The following HHIP variants were observed in gnomAD, a reference collection of about 807,000 sequenced individuals.
HHIP encodes the protein hedgehog interacting protein, also known as hedgehog-interacting protein.
HHIP carries 12 observed loss-of-function variants against 74.0 expected under a neutral mutation model. The observed-to-expected ratio is 0.16, with a 90% CI of 0.10 to 0.26. The LOEUF (loss-of-function observed/expected upper bound fraction) is 0.26, where lower values mean the gene tolerates loss of function less well. HHIP is among the 10% of genes least tolerant of loss of function. The pLI is 1.00. For missense variants in HHIP, 788 were observed against 845.0 expected, an observed-to-expected ratio of 0.93 and a Z score of 0.84; for synonymous variants, 309 against 311.6, an observed-to-expected ratio of 0.99 and a Z score of 0.09.
At chr4:144,669,455 T>G (rs1728970696) in intron 4 of HHIP, among the ~76,000 whole-genome samples, 1 of 152,192 alleles carries the variant, frequency 6.6e-6, no homozygotes, top group South Asian at 2.1e-4. Context: ...TCCATTTTAC[T>G]CAATCTGTAC....
chr4:144,661,998 T>C (rs547550071), intron 4 of HHIP, among the ~76,000 whole-genome samples: 1 of 152,262 alleles, frequency 6.6e-6, no homozygotes, highest in Middle Eastern at 3.4e-3. Context: ...ACGTTTGAAA[T>C]TGAGAATAAT....
At chr4:144,727,033 G>A (rs1287561683) in intron 11 of HHIP, among the ~76,000 whole-genome samples, 1 of 152,186 alleles carries the variant, frequency 6.6e-6, no homozygotes, top group Non-Finnish European at 1.5e-5. Flanking sequence ...CACAGATCTT[G>A]AGGGGTCTGC....
At chr4:144,720,596 G>C (rs188873909) in intron 11 of HHIP, among the ~76,000 whole-genome samples, 1 of 152,150 alleles carries the variant, frequency 6.6e-6, no homozygotes, top group Admixed American at 6.6e-5. Context: ...TCCTCTAGTA[G>C]GGTGGTCTCA....
In HHIP at chr4:144,646,721, C is replaced by G; in HGVS notation, c.46C>G (p.Leu16Val). The G allele has an allele frequency of 1.2e-6, 2 of 1,614,168 alleles. No individual in the cohort carries two copies. The highest frequency in any genetic ancestry group is 1.1e-5 in the South Asian group (1 of 91,082). ...SFKLLLLAVALGFFEGDAKFG... is the reference protein window; with the variant it reads ...SFKLLLLAVAVGFFEGDAKFG... ...TAAGCTGCTGCTGCTGGCCGTGGCT[C>G]TGGGCTTCTTTGAAGGAGATGCTAA... The change falls in exon 1 of 13, where the codon CTG (leucine) becomes GTG (valine). Residue 16 changes from leucine (L) to valine (V), a missense_variant. Leu to Val is a conservative substitution (Grantham distance 32). Coordinates refer to ENST00000296575, the MANE Select transcript of HHIP (RefSeq NM_022475.3).
chr4:144,726,578 G>A (rs1162973212), intron 11 of HHIP, among the ~76,000 whole-genome samples: 1 of 152,136 alleles, frequency 6.6e-6, no homozygotes. Context: ...AATTCACCAT[G>A]ATTTGGTTTC....
At chr4:144,702,833 G>A (rs1730023922) in intron 4 of HHIP, among the ~76,000 whole-genome samples, 1 of 152,186 alleles carries the variant, frequency 6.6e-6, no homozygotes, top group African/African-American at 2.4e-5. Flanking sequence ...TAATAATGAA[G>A]TACAATTATA....
At position 144,661,440 on chromosome 4, in the gene HHIP, A is replaced by C. The variant is rs1056990486; in HGVS notation, c.831+1602A>C. On this transcript the variant is annotated intron_variant, in intron 4 of 12. Transcript: ENST00000296575. Reference sequence around the variant, plus strand: ...CCTGTTATTCTGGTGAACTTATATGACATATTTTAAGATGCAATATTTTAA... The same window carrying C: ...CCTGTTATTCTGGTGAACTTATATGCCATATTTTAAGATGCAATATTTTAA... 6.6e-5 allele frequency: 10 copies of C among 152,296 alleles called. 1 individual carries two copies. Among genetic ancestry groups the C allele is most frequent in the Non-Finnish European group, 1.2e-4 (8 of 68,032 alleles). 9.4% of individuals were successfully genotyped at this position (152,296 alleles called of 1,614,324 possible). A position where few individuals can be genotyped will look rare whatever the true frequency, so the allele number is the denominator to read the frequency against.
At chr4:144,689,858 G>GAATGC (rs1369860843) in intron 4 of HHIP, among the ~76,000 whole-genome samples, 2 of 152,020 alleles carry the variant, frequency 1.3e-5, no homozygotes, top group Non-Finnish European at 2.9e-5. Flanking sequence ...GCCCAGGCTG[G>GAATGC]AATGCAATGG....
chr4:144,705,432 C>T (rs542982645), intron 4 of HHIP, among the ~76,000 whole-genome samples: 4 of 152,102 alleles, frequency 2.6e-5, no homozygotes, highest in South Asian at 2.1e-4. Flanking sequence ...TTTTGCCATA[C>T]GCTATGTCGT....
chr4:144,692,002 C>T (rs1729685394), intron 4 of HHIP, among the ~76,000 whole-genome samples: 1 of 152,098 alleles, frequency 6.6e-6, no homozygotes, highest in South Asian at 2.1e-4. Context: ...AAGGCTGGCA[C>T]CATCATGTAC....
At chr4:144,664,490 T>A (rs990718365) in intron 4 of HHIP, among the ~76,000 whole-genome samples, 1 of 152,202 alleles carries the variant, frequency 6.6e-6, no homozygotes, top group Non-Finnish European at 1.5e-5. Context: ...CCTTTTTACA[T>A]TTTTTTCTTT....
chr4:144,696,067 T>C (rs1729809667), intron 4 of HHIP, among the ~76,000 whole-genome samples: 1 of 151,922 alleles, frequency 6.6e-6, no homozygotes, highest in Admixed American at 6.6e-5. Context: ...CAACTGAATG[T>C]GAGAAGAGTT....
At chr4:144,710,881 C>T (rs1730278118) in intron 7 of HHIP, among the ~76,000 whole-genome samples, 1 of 152,232 alleles carries the variant, frequency 6.6e-6, no homozygotes, top group Non-Finnish European at 1.5e-5. Context: ...CTGTTTTCCA[C>T]ACTTTTGATA....
rs775743533 is a variant in HHIP at position 144,646,653 on chromosome 4, GCCCCTGCTGCT to G, written c.-21_-11del. 3 of 1,606,422 alleles carry G rather than the reference GCCCCTGCTGCT, an allele frequency of 1.9e-6. No individual in the cohort carries two copies. Among genetic ancestry groups the G allele is most frequent in the Non-Finnish European group, 2.6e-6 (3 of 1,175,086 alleles). ...GTTCCCCCCCATCCTCCCGCGCCCA[GCCCCTGCTGCT>G]CTGGGCAGACGATGCTGAAGATGCT... is the stretch of plus-strand genomic sequence containing the variant. On this transcript the variant is annotated 5_prime_UTR_variant, in exon 1 of 13. Transcript: ENST00000296575.
intron 4 of HHIP, among the ~76,000 whole-genome samples, chr4:144,702,442 T>G (rs573338102): frequency 2.0e-5 from 3 of 152,216 alleles, no homozygotes; most frequent in Non-Finnish European, 1.5e-5. Context: ...TAAACACTTA[T>G]TAAAAGCGCC....
chr4:144,680,946 T>G (rs909628851), intron 4 of HHIP, among the ~76,000 whole-genome samples: 3 of 152,210 alleles, frequency 2.0e-5, no homozygotes, highest in African/African-American at 7.2e-5. Context: ...AAATTTCTAT[T>G]TATCTCTACC....
chr4:144,656,156 T>G (rs940162220), intron 2 of HHIP, among the ~76,000 whole-genome samples: 2 of 152,156 alleles, frequency 1.3e-5, no homozygotes, highest in African/African-American at 2.4e-5. Flanking sequence ...TCGGGTCATT[T>G]AAGGTAAAGT....
At chr4:144,722,129 A>G (rs1730656247) in intron 11 of HHIP, among the ~76,000 whole-genome samples, 1 of 152,148 alleles carries the variant, frequency 6.6e-6, no homozygotes, top group South Asian at 2.1e-4. Flanking sequence ...AGCCTGGGGG[A>G]TCCTTCAGCT....
At chr4:144,711,657 T>C (rs900103090) in intron 7 of HHIP, among the ~76,000 whole-genome samples, 1 of 152,238 alleles carries the variant, frequency 6.6e-6, no homozygotes, top group Admixed American at 6.5e-5. Flanking sequence ...GTATTATACA[T>C]GTGATATTCC....
Sources: allele counts gnomAD v4.1 joint callset (sites outside exome capture counted in the v4.1 genomes callset), GRCh38; gene constraint gnomAD v4.1.1; transcripts MANE v1.5; gene names NCBI Gene and HGNC (gene_info 2026-07-23, HGNC 2026-07-21).